The following AADAC variants were observed in gnomAD, a reference collection of about 807,000 sequenced individuals.
The protein encoded by AADAC is arylacetamide deacetylase (esterase).
In AADAC, 17 loss-of-function variants were observed where a neutral mutation model predicts 22.7. That is an observed-to-expected ratio of 0.75 (90% CI 0.51 to 1.12). The LOEUF is 1.12. Ranked by LOEUF, AADAC falls within the 50% of genes most tolerant of loss-of-function variation. The probability of loss-of-function intolerance (pLI) is 0.00; values close to 1 mark genes in which losing one functional copy is unlikely to be tolerated. For missense variants in AADAC, 465 were observed against 473.9 expected (o/e 0.98, Z 0.17); for synonymous variants, 167 against 176.3 (o/e 0.95, Z 0.42).
At chr3:151,815,156 A>G (rs1392184337) in intron 1 of AADAC, among the ~76,000 whole-genome samples, 1 of 152,024 alleles carries the variant, frequency 6.6e-6, no homozygotes, top group Non-Finnish European at 1.5e-5. Flanking sequence ...AGTACCTTTA[A>G]GGAGGTAAGA....
chr3:151,818,810 A>G (rs76962550), intron 2 of AADAC, among the ~76,000 whole-genome samples: 1,688 of 152,190 alleles, frequency 0.011, 41 homozygotes, highest in African/African-American at 0.038. Flanking sequence ...TGATGTATAG[A>G]ATTACAGCAG....
chr3:151,827,591 G>A lies in AADAC; in HGVS notation c.619G>A (p.Asp207Asn), dbSNP rs372408554. 3 of 1,566,730 alleles carry A rather than the reference G, an allele frequency of 1.9e-6. No individual in the cohort carries two copies. The highest frequency in any genetic ancestry group is 1.2e-5 in the South Asian group (1 of 82,940). The change falls in exon 5 of 5, where the codon GAT (aspartate) becomes AAT (asparagine). Residue 207 changes from aspartate (D) to asparagine (N), a missense_variant. Coordinates refer to ENST00000232892, the MANE Select transcript of AADAC (RefSeq NM_001086.3). ...AVTQQLLDDP[D>N]VKIKLKIQSL... ...TGCTTCTCAGCTCCTTGATGACCCA[G>A]ATGTCAAGATCAAACTCAAGATCCA...
In AADAC at chr3:151,820,516, C is replaced by CTTTTTT. The variant is rs34039248; in HGVS notation, c.431+78_431+83dup. 1,585 of 412,020 alleles carry CTTTTTT rather than the reference C, an allele frequency of 3.8e-3. 2 individuals carry two copies. Among genetic ancestry groups the CTTTTTT allele is most frequent in the South Asian group, 7.3e-3 (150 of 20,654 alleles). 25.5% of individuals were successfully genotyped at this position (412,020 alleles called of 1,614,324 possible). A position where few individuals can be genotyped will look rare whatever the true frequency, so the allele number is the denominator to read the frequency against. On this transcript the variant is annotated intron_variant, in intron 3 of 4. Coordinates refer to ENST00000232892, the MANE Select transcript of AADAC (RefSeq NM_001086.3). Reference sequence around the variant, plus strand: ...GACATGCCAAGATTTTCTCAGCTTTCTTTTTTTTTTTTTTTTTTTGTGATG... The same window carrying CTTTTTT: ...GACATGCCAAGATTTTCTCAGCTTTCTTTTTTTTTTTTTTTTTTTTTTTTTGTGATG...
At chr3:151,824,903 CAT>C in intron 4 of AADAC, 69 bp downstream of exon 4, 1 of 1,223,094 alleles carries the variant, frequency 8.2e-7, no homozygotes, top group Non-Finnish European at 1.1e-6. Context: ...TATTTATAAA[CAT>C]ATTGAATGCA....
chr3:151,815,160 G>C (rs576378617), intron 1 of AADAC, among the ~76,000 whole-genome samples: 1 of 152,100 alleles, frequency 6.6e-6, no homozygotes, highest in East Asian at 1.9e-4. Flanking sequence ...CCTTTAAGGA[G>C]GTAAGATGGA....
Position 151,817,585 on chromosome 3 carries a change from G to A in AADAC, c.358G>A (p.Ala120Thr). 1.2e-6 allele frequency: 2 copies of A among 1,612,532 alleles called. 1 individual carries two copies. Among genetic ancestry groups the A allele is most frequent in the Non-Finnish European group, 1.7e-6 (2 of 1,178,870 alleles). ...IHGGGWCVGS[A>T]ALSGYDLLSR... ...TGGTGGAGGCTGGTGCGTGGGAAGTGCTGGTAAGTGAATGCTTTGAAAAAT... is the reference window on the plus strand; with the variant it reads ...TGGTGGAGGCTGGTGCGTGGGAAGTACTGGTAAGTGAATGCTTTGAAAAAT... The change falls in exon 2 of 5, where the codon GCT (alanine) becomes ACT (threonine). Residue 120 changes from alanine (A) to threonine (T), a missense_variant. Transcript: ENST00000232892.
chr3:151,817,324 T>C, intron 1 of AADAC, 42 bp from the exon 2 acceptor site: 1 of 1,556,336 alleles, frequency 6.4e-7, no homozygotes, highest in East Asian at 2.2e-5. Context: ...TCTTTGCCAT[T>C]TGATACTTGA....
rs1032765533 is a variant in AADAC at position 151,821,089 on chromosome 3, TGAGTGCCCTG to T, written c.431+642_431+651del. 7.9e-4 allele frequency among the ~76,000 whole-genome samples: 120 copies of T among 151,946 alleles called. 2 individuals carry two copies. The highest frequency in any genetic ancestry group is 2.7e-3 in the African/African-American group (113 of 41,508). ...ACCCTTAATTCCCAGTCTTTAAAAA[TGAGTGCCCTG>T]GAGTCACAGGATCATCTATAAAAGT... On this transcript the variant is annotated intron_variant, in intron 3 of 4. Transcript: ENST00000232892.
Position 151,814,119 on chromosome 3 carries a change from T to G in AADAC, c.-44T>G, listed in dbSNP as rs143116617. 11,749 of 1,609,370 alleles carry G rather than the reference T, an allele frequency of 7.3e-3. 175 individuals are homozygous for G. The highest frequency in any genetic ancestry group is 8.9e-3 in the Non-Finnish European group (10,423 of 1,175,946). On this transcript the variant is annotated 5_prime_UTR_variant, in exon 1 of 5. Coordinates refer to ENST00000232892, the MANE Select transcript of AADAC (RefSeq NM_001086.3). Reference sequence around the variant, plus strand: ...ACACTATTCAGGCATATCATGTAGGTTTACTTTCTGTGTTTCTAGAGACCA... The same window carrying G: ...ACACTATTCAGGCATATCATGTAGGGTTACTTTCTGTGTTTCTAGAGACCA...
intron 4 of AADAC, among the ~76,000 whole-genome samples, chr3:151,825,512 C>T (rs903941689): frequency 9.9e-5 from 15 of 151,928 alleles, no homozygotes; most frequent in Admixed American, 2.6e-4. Flanking sequence ...CAGACGAATT[C>T]ATATAATCTT....
At position 151,815,359 on chromosome 3, in the gene AADAC, T is replaced by C. The variant is rs1715938580; in HGVS notation, c.138+1059T>C. Among the ~76,000 whole-genome samples, 2 of 152,022 alleles carry C rather than the reference T, an allele frequency of 1.3e-5. 1 individual carries two copies. The highest frequency in any genetic ancestry group is 2.9e-5 in the Non-Finnish European group (2 of 67,956). ...GTAAAAACACCCCAGCTACAGAATATTGACAAGTCCAAGAAATCATATGAA... is the reference window on the plus strand; with the variant it reads ...GTAAAAACACCCCAGCTACAGAATACTGACAAGTCCAAGAAATCATATGAA... On this transcript the variant is annotated intron_variant, in intron 1 of 4. Coordinates refer to ENST00000232892, the MANE Select transcript of AADAC (RefSeq NM_001086.3).
At chr3:151,824,883 T>C in intron 4 of AADAC, 49 bp downstream of exon 4, 1 of 1,373,910 alleles carries the variant, frequency 7.3e-7, no homozygotes, top group Non-Finnish European at 9.6e-7. Flanking sequence ...TCTACGCTGT[T>C]TTAAAAACAT....
In AADAC at chr3:151,822,270, G is replaced by A. The variant is rs183892836; in HGVS notation, c.431+1818G>A. Among the ~76,000 whole-genome samples, 274 of 152,074 alleles carry A rather than the reference G, an allele frequency of 1.8e-3. 3 individuals are homozygous for A. Among genetic ancestry groups the A allele is most frequent in the Middle Eastern group, 6.8e-3 (2 of 294 alleles). On this transcript the variant is annotated intron_variant, in intron 3 of 4. Transcript: ENST00000232892. ...CGGCAGCTCCTTAAAAGTTCAAACAGAGTTACCATATTGACCCAGTATTTC... is the reference window on the plus strand; with the variant it reads ...CGGCAGCTCCTTAAAAGTTCAAACAAAGTTACCATATTGACCCAGTATTTC...
At chr3:151,821,642 T>C (rs1309993828) in intron 3 of AADAC, among the ~76,000 whole-genome samples, 2 of 152,018 alleles carry the variant, frequency 1.3e-5, no homozygotes, top group Non-Finnish European at 2.9e-5. Context: ...GCTTATGCTG[T>C]TTTGCATTCC....
intron 3 of AADAC, among the ~76,000 whole-genome samples, chr3:151,823,294 A>T (rs1716332238): frequency 6.6e-6 from 1 of 151,180 alleles, no homozygotes; most frequent in Admixed American, 6.6e-5. Context: ...AAAAAAAAAA[A>T]TTAAGAAATT....
chr3:151,824,584 AT>A, intron 3 of AADAC, 78 bp from the exon 4 acceptor site: 1 of 1,186,888 alleles, frequency 8.4e-7, no homozygotes, highest in Non-Finnish European at 1.1e-6. Flanking sequence ...CGGTTTTGTC[AT>A]TACTTTTGCA....
chr3:151,820,172 A>G (rs1716177136), intron 2 of AADAC, among the ~76,000 whole-genome samples: 2 of 151,996 alleles, frequency 1.3e-5, no homozygotes, highest in East Asian at 1.9e-4. Context: ...AGGGAGGAAG[A>G]GCATTAGGAG....
chr3:151,826,288 A>T (rs943108630), intron 4 of AADAC, among the ~76,000 whole-genome samples: 7 of 151,984 alleles, frequency 4.6e-5, no homozygotes, highest in African/African-American at 1.7e-4. Context: ...GGACATCAGG[A>T]AACTTGGAGA....
intron 1 of AADAC, among the ~76,000 whole-genome samples, chr3:151,814,831 G>C (rs1449350180): frequency 6.6e-6 from 1 of 152,030 alleles, no homozygotes; most frequent in East Asian, 1.9e-4. Flanking sequence ...AGGGAGACCT[G>C]GGTGTCCTGG....
Sources: allele counts gnomAD v4.1 joint callset (sites outside exome capture counted in the v4.1 genomes callset), GRCh38; gene constraint gnomAD v4.1.1; transcripts MANE v1.5; gene names NCBI Gene and HGNC (gene_info 2026-07-23, HGNC 2026-07-21).